The following DSCAML1 variants were observed in gnomAD, a reference collection of about 807,000 sequenced individuals.
DSCAML1 encodes the protein DS cell adhesion molecule like 1, also known as cell adhesion molecule DSCAML1.
Under a neutral mutation model 200.5 loss-of-function variants are expected in DSCAML1, and 38 were observed. That is an observed-to-expected ratio of 0.19 (90% CI 0.15 to 0.25). The LOEUF (loss-of-function observed/expected upper bound fraction) is 0.25, where lower values mean the gene tolerates loss of function less well. Ranked by LOEUF, DSCAML1 falls within the 10% of genes least tolerant of loss-of-function variation. The probability of loss-of-function intolerance (pLI) is 1.00; values close to 1 mark genes in which losing one functional copy is unlikely to be tolerated. For synonymous variants in DSCAML1, 1,215 were observed against 1,165.0 expected, an observed-to-expected ratio of 1.04 and a Z score of -0.87; for missense variants, 2,223 against 2,858.8, an observed-to-expected ratio of 0.78 and a Z score of 5.07.
At position 117,743,843 on chromosome 11, in the gene DSCAML1, C is replaced by T. The variant is rs75006352; in HGVS notation, c.511+32948G>A. ...CTGTGACCTGCAGGCATCACATTCCCGCCGCCATGGGGAGAAGGTGGTGCT... is the reference window on the plus strand; with the variant it reads ...CTGTGACCTGCAGGCATCACATTCCTGCCGCCATGGGGAGAAGGTGGTGCT... On this transcript the variant is annotated intron_variant, in intron 3 of 32. Coordinates refer to ENST00000651296, the MANE Select transcript of DSCAML1 (RefSeq NM_020693.4). 3.8e-3 allele frequency among the ~76,000 whole-genome samples: 577 copies of T among 152,324 alleles called. 7 individuals carry two copies. Among genetic ancestry groups the T allele is most frequent in the Middle Eastern group, 0.02 (6 of 294 alleles).
chr11:117,550,998 C>T (rs1016368453), intron 3 of DSCAML1, among the ~76,000 whole-genome samples: 3 of 152,194 alleles, frequency 2.0e-5, no homozygotes, highest in Non-Finnish European at 4.4e-5. Flanking sequence ...CAGGATGCCC[C>T]TTTTCTCTGT....
Position 117,521,262 on chromosome 11 carries a change from T to C in DSCAML1, c.1081A>G (p.Ile361Val). Residue 361 changes from isoleucine (I) to valine (V), a missense_variant, in exon 6 of 33, where the codon ATC (isoleucine) becomes GTC (valine). This residue lies in a region of DSCAML1 where 579 missense variants were observed against 721.5 expected (regional missense o/e 0.80). Transcript: ENST00000651296. ...TCGTTGCTGAGCCCGCGGATGGAGA[T>C]GGCCTCGTCAGGCAGCACCAGCTCC... ...NTELVLPDEAISIRGLSNETL... is the reference protein window; with the variant it reads ...NTELVLPDEAVSIRGLSNETL... 6.2e-7 allele frequency: 1 copy of C among 1,614,134 alleles called. No homozygotes were observed. Among genetic ancestry groups the C allele is most frequent in the Non-Finnish European group, 8.5e-7 (1 of 1,180,024 alleles).
chr11:117,584,073 A>G (rs182179162), intron 3 of DSCAML1, among the ~76,000 whole-genome samples: 1 of 146,956 alleles, frequency 6.8e-6, no homozygotes, highest in East Asian at 2.1e-4. Context: ...CTCCTCTCCT[A>G]CCCCCCTGTG....
chr11:117,673,061 T>C (rs2053143516), intron 3 of DSCAML1, among the ~76,000 whole-genome samples: 1 of 151,984 alleles, frequency 6.6e-6, no homozygotes, highest in African/African-American at 2.4e-5. Flanking sequence ...GGGCAATCGG[T>C]TTTCATCGCC....
rs181713961 is a variant in DSCAML1, at chr11:117,718,486, G to A, written c.511+58305C>T. Among the ~76,000 whole-genome samples, 67 of 152,318 alleles carry A rather than the reference G, an allele frequency of 4.4e-4. 1 individual carries two copies. Among genetic ancestry groups the A allele is most frequent in the Non-Finnish European group, 1.9e-4 (13 of 68,028 alleles). The stretch of plus-strand genomic sequence containing the variant: ...TGAAATCCAGCAAGAGTATTCTGAG[G>A]GTGAGGGGGCTGTGCAGCAGTAGAC... On this transcript the variant is annotated intron_variant, in intron 3 of 32. Coordinates refer to ENST00000651296, the MANE Select transcript of DSCAML1 (RefSeq NM_020693.4).
chr11:117,736,574 T>C (rs1591454991), intron 3 of DSCAML1, among the ~76,000 whole-genome samples: 1 of 152,040 alleles, frequency 6.6e-6, no homozygotes, highest in African/African-American at 2.4e-5. Flanking sequence ...GCCATGGGGG[T>C]ACAATTTGGG....
rs1480609083 is a variant in DSCAML1 at position 117,518,302 on chromosome 11, G to A, written c.1510+164C>T. ...CACGCACACAAGAATGGATGATGGC[G>A]CTTGAGGAGGGCAGGAAAAGGGGAC... is the stretch of plus-strand genomic sequence containing the variant. On this transcript the variant is annotated intron_variant, in intron 7 of 32. Coordinates refer to ENST00000651296, the MANE Select transcript of DSCAML1 (RefSeq NM_020693.4). This position sits in a 1 kb window ranked among gnomAD's most constrained non-coding sequence, Gnocchi z 6.3. The A allele has an allele frequency of 2.3e-5, 20 of 884,210 alleles. No individual in the cohort carries two copies. Among genetic ancestry groups the A allele is most frequent in the Admixed American group, 8.2e-5 (4 of 48,790 alleles). 54.8% of individuals were successfully genotyped at this position (884,210 alleles called of 1,614,324 possible). A position where few individuals can be genotyped will look rare whatever the true frequency, so the allele number is the denominator to read the frequency against.
chr11:117,630,570 C>T (rs2052149936), intron 3 of DSCAML1, among the ~76,000 whole-genome samples: 2 of 147,390 alleles, frequency 1.4e-5, no homozygotes, highest in Non-Finnish European at 3.0e-5. Flanking sequence ...CTCTGTGGCC[C>T]CACAGCCTTG....
At chr11:117,511,056 C>T (rs1338683636) in intron 8 of DSCAML1, among the ~76,000 whole-genome samples, 2 of 152,210 alleles carry the variant, frequency 1.3e-5, no homozygotes, top group Non-Finnish European at 2.9e-5. Context: ...ATCATAGAAA[C>T]CCCCAACCTA....
intron 8 of DSCAML1, among the ~76,000 whole-genome samples, chr11:117,513,280 C>T (rs569284274): frequency 2.2e-4 from 34 of 152,096 alleles, no homozygotes; most frequent in Non-Finnish European, 3.8e-4. Flanking sequence ...CCTGGTGGTA[C>T]GGCAAGGCCC....
chr11:117,460,161 G>A (rs1389763664), intron 18 of DSCAML1, among the ~76,000 whole-genome samples: 1 of 152,234 alleles, frequency 6.6e-6, no homozygotes. Context: ...TGGAAAACAG[G>A]GAACCACCCT....
intron 3 of DSCAML1, among the ~76,000 whole-genome samples, chr11:117,614,002 G>A (rs543927060): frequency 3.7e-4 from 57 of 152,278 alleles, no homozygotes; most frequent in Non-Finnish European, 7.5e-4. Flanking sequence ...CTCTCTGGGT[G>A]AAGGAGGGGC....
intron 3 of DSCAML1, among the ~76,000 whole-genome samples, chr11:117,697,079 A>G (rs2053598021): frequency 6.6e-6 from 1 of 152,126 alleles, no homozygotes; most frequent in Non-Finnish European, 1.5e-5. Context: ...TAGTGTTAGT[A>G]TTGTCATCTC....
intron 8 of DSCAML1, among the ~76,000 whole-genome samples, chr11:117,507,773 A>AG (rs2049530749): frequency 2.0e-5 from 3 of 152,082 alleles, no homozygotes; most frequent in Non-Finnish European, 4.4e-5. Context: ...ACCTTATTCC[A>AG]GATCCACCTG....
At chr11:117,499,463 A>G (rs1306148234) in intron 11 of DSCAML1, among the ~76,000 whole-genome samples, 1 of 152,190 alleles carries the variant, frequency 6.6e-6, no homozygotes, top group Non-Finnish European at 1.5e-5. Flanking sequence ...CAACTCACGG[A>G]TGCAGAGCCA....
intron 8 of DSCAML1, among the ~76,000 whole-genome samples, chr11:117,512,801 A>ACC (rs1555179367): frequency 1.3e-4 from 14 of 106,698 alleles, no homozygotes; most frequent in Admixed American, 1.8e-4. Flanking sequence ...ACACACACAC[A>ACC]CCCCTCCCCT....
chr11:117,618,323 C>G (rs1424860197), intron 3 of DSCAML1, among the ~76,000 whole-genome samples: 1 of 152,206 alleles, frequency 6.6e-6, no homozygotes, highest in East Asian at 1.9e-4. Flanking sequence ...TTTAAGATAG[C>G]TTTAATTATA....
intron 5 of DSCAML1, among the ~76,000 whole-genome samples, chr11:117,523,165 C>T (rs570974149): frequency 2.0e-5 from 3 of 152,248 alleles, no homozygotes; most frequent in African/African-American, 4.8e-5. Flanking sequence ...TGTGTGTCTC[C>T]GCTTGCCTGC....
At chr11:117,478,446 C>T (rs1240630137) in intron 14 of DSCAML1, among the ~76,000 whole-genome samples, 1 of 152,134 alleles carries the variant, frequency 6.6e-6, no homozygotes, top group African/African-American at 2.4e-5. Context: ...GCCCTTTTGT[C>T]CCCTTTGCCT....
Sources: allele counts gnomAD v4.1 joint callset (sites outside exome capture counted in the v4.1 genomes callset), GRCh38; gene constraint gnomAD v4.1.1; regional missense constraint gnomAD v4.1.1; non-coding constraint Gnocchi (gnomAD v3.1); transcripts MANE v1.5; gene names NCBI Gene and HGNC (gene_info 2026-07-23, HGNC 2026-07-21).